RABGAP1L: variants seen among roughly 807,000 people sequenced by gnomAD.
RABGAP1L encodes rab GTPase-activating protein 1-like.
RABGAP1L carries 63 observed loss-of-function variants against 137.7 expected under a neutral mutation model. The ratio of observed to expected loss-of-function variants is 0.46; its 90% confidence interval spans 0.37 to 0.56. The LOEUF (loss-of-function observed/expected upper bound fraction) is 0.56, where lower values mean the gene tolerates loss of function less well. Among genes scored for constraint, RABGAP1L ranks in the 20% least tolerant of loss-of-function variants. RABGAP1L has a pLI of 0.00. For synonymous variants in RABGAP1L, 431 were observed against 433.7 expected (o/e 0.99, Z 0.08); for missense variants, 1,095 against 1,244.0 (o/e 0.88, Z 1.80).
intron 13 of RABGAP1L, among the ~76,000 whole-genome samples, chr1:174,490,842 G>T (rs2149352596): frequency 6.6e-6 from 1 of 152,082 alleles, no homozygotes; most frequent in Middle Eastern, 3.4e-3. Context: ...TCAGCCCACG[G>T]CCATCACCAA....
At chr1:174,699,774 G>T in intron 16 of RABGAP1L, 124 bp downstream of exon 16, 1 of 987,004 alleles carries the variant, frequency 1.0e-6, no homozygotes, top group Non-Finnish European at 1.4e-6. Flanking sequence ...AATGTACATG[G>T]ATTTAGTTTC....
Position 174,877,321 on chromosome 1 carries a change from TAGC to T in RABGAP1L, c.2340+65365_2340+65367del, listed in dbSNP as rs1436282027. The T allele has an allele frequency of 1.3e-5, 17 of 1,314,222 alleles. 1 individual carries two copies. Among genetic ancestry groups the T allele is most frequent in the Non-Finnish European group, 1.7e-5 (16 of 954,424 alleles). The allele number at this position is 1,314,222 out of a possible 1,614,324, so 81.4% of individuals were successfully genotyped here. The stretch of plus-strand genomic sequence containing the variant: ...GGTGAATTGCTAGCCAAGCCTGTGA[TAGC>T]AGCCGCTTTTTTTTTCTTTCTCTTT... On this transcript the variant is annotated intron_variant, in intron 19 of 25. Transcript: ENST00000681986.
chr1:174,490,205 G>A (rs1660088410), intron 13 of RABGAP1L, among the ~76,000 whole-genome samples: 1 of 152,024 alleles, frequency 6.6e-6, no homozygotes, highest in Non-Finnish European at 1.5e-5. Context: ...CTCATTCTGG[G>A]CTTATTTGTA....
intron 14 of RABGAP1L, among the ~76,000 whole-genome samples, chr1:174,681,920 A>T (rs1331301277): frequency 6.6e-6 from 1 of 152,228 alleles, no homozygotes; most frequent in Non-Finnish European, 1.5e-5. Context: ...TACAACACAT[A>T]GATGGAATAC....
At chr1:174,573,257 G>C (rs566604426) in intron 13 of RABGAP1L, among the ~76,000 whole-genome samples, 1 of 141,634 alleles carries the variant, frequency 7.1e-6, no homozygotes, top group East Asian at 2.0e-4. Context: ...GTATATATGT[G>C]TGACATATAT....
chr1:174,416,201 G>T lies in RABGAP1L; in HGVS notation c.1710+22056G>T, dbSNP rs1221132381. ...TTATGCTTAACTATTACTATGAAGA[G>T]AATAATTGTTCATCCCAGTGGCAGA... On this transcript the variant is annotated intron_variant, in intron 13 of 25. Transcript: ENST00000681986. Among the ~76,000 whole-genome samples, 7 of 151,950 alleles carry T rather than the reference G, an allele frequency of 4.6e-5. No homozygotes were observed. The East Asian group carries it at 1.3e-3, about 29-fold the overall frequency.
rs184135332 is a variant in RABGAP1L at position 174,804,411 on chromosome 1, C to T, written c.2212-7421C>T. On this transcript the variant is annotated intron_variant, in intron 18 of 25. Transcript: ENST00000681986. ...TCATCCTCCTGAGCAGCTGGGACTA[C>T]AGGCGCCCACCACCATGCCTGGCTT... Among the ~76,000 whole-genome samples the T allele has an allele frequency of 1.5e-3, 227 of 151,976 alleles. 1 individual carries two copies. The highest frequency in any genetic ancestry group is 5.2e-3 in the East Asian group (27 of 5,158).
intron 13 of RABGAP1L, among the ~76,000 whole-genome samples, chr1:174,618,137 C>T (rs61826918): frequency 0.09 from 13,646 of 152,256 alleles, 833 homozygotes; most frequent in East Asian, 0.22. Flanking sequence ...GTAAACAAAG[C>T]GGCTGGGAAG....
chr1:174,677,426 AT>A (rs1188469172), intron 14 of RABGAP1L, among the ~76,000 whole-genome samples: 11 of 152,224 alleles, frequency 7.2e-5, no homozygotes, highest in African/African-American at 2.7e-4. Flanking sequence ...TCTGTTACAA[AT>A]TACTGGAGGC....
chr1:174,303,760 C>T lies in RABGAP1L; in HGVS notation c.1324-1226C>T, dbSNP rs568793665. On this transcript the variant is annotated intron_variant, in intron 10 of 25. Coordinates refer to ENST00000681986, the MANE Select transcript of RABGAP1L (RefSeq NM_001366446.1). ...GTTCAGATTCTGCTTGTATAGGAAACTAAGTGCAGATGAAATATTTTACCA... is the reference window on the plus strand; with the variant it reads ...GTTCAGATTCTGCTTGTATAGGAAATTAAGTGCAGATGAAATATTTTACCA... 9.2e-5 allele frequency among the ~76,000 whole-genome samples: 14 copies of T among 152,230 alleles called. 1 individual carries two copies. Among genetic ancestry groups the T allele is most frequent in the Non-Finnish European group, 1.5e-5 (1 of 68,008 alleles).
intron 13 of RABGAP1L, among the ~76,000 whole-genome samples, chr1:174,636,938 A>G (rs1674096585): frequency 6.6e-6 from 1 of 152,210 alleles, no homozygotes; most frequent in Non-Finnish European, 1.5e-5. Flanking sequence ...CATTAATAGG[A>G]GAATGTTCAG....
intron 19 of RABGAP1L, among the ~76,000 whole-genome samples, chr1:174,818,780 A>G (rs1486961086): frequency 2.0e-5 from 3 of 152,076 alleles, no homozygotes; most frequent in African/African-American, 4.8e-5. Context: ...AGGCTGAGAC[A>G]GGTGGATCAC....
intron 13 of RABGAP1L, among the ~76,000 whole-genome samples, chr1:174,627,752 A>G (rs1673028063): frequency 2.0e-5 from 3 of 152,174 alleles, no homozygotes; most frequent in Admixed American, 6.5e-5. Flanking sequence ...GGCATGGGGT[A>G]TGGGAGATGT....
At chr1:174,713,166 A>C (rs991556326) in intron 17 of RABGAP1L, among the ~76,000 whole-genome samples, 2 of 152,158 alleles carry the variant, frequency 1.3e-5, no homozygotes, top group Non-Finnish European at 2.9e-5. Context: ...GAAGTAAAAC[A>C]ATGTCAATGA....
At chr1:174,218,796 T>A (rs1164954468) in intron 1 of RABGAP1L, among the ~76,000 whole-genome samples, 5 of 152,172 alleles carry the variant, frequency 3.3e-5, no homozygotes, top group Non-Finnish European at 7.4e-5. Context: ...TTATTTCCTC[T>A]ATTAAAAAGA....
chr1:174,349,472 C>A (rs1682839925), intron 11 of RABGAP1L, among the ~76,000 whole-genome samples: 1 of 133,264 alleles, frequency 7.5e-6, no homozygotes. Flanking sequence ...CCCCCCACCT[C>A]CCTCCCAGAC....
At chr1:174,839,871 G>A (rs566015405) in intron 19 of RABGAP1L, among the ~76,000 whole-genome samples, 80 of 152,320 alleles carry the variant, frequency 5.3e-4, no homozygotes, top group Admixed American at 8.5e-4. Context: ...AGACTAAACT[G>A]AACTGAAGAG....
chr1:174,386,785 G>T (rs978489457), intron 12 of RABGAP1L, among the ~76,000 whole-genome samples: 11 of 152,090 alleles, frequency 7.2e-5, no homozygotes, highest in Non-Finnish European at 1.5e-4. Context: ...GGGATTACAG[G>T]TGTGAGCCAC....
chr1:174,493,130 A>G (rs1027325480), intron 13 of RABGAP1L, among the ~76,000 whole-genome samples: 22 of 148,978 alleles, frequency 1.5e-4, no homozygotes, highest in African/African-American at 5.0e-4. Context: ...AGGCTGAGGC[A>G]GGAGGCTTGC....
Sources: gnomAD v4.1 joint callset for allele counts (sites outside exome capture counted in the v4.1 genomes callset) on GRCh38, gnomAD v4.1.1 for gene constraint, MANE v1.5 for transcripts, NCBI Gene and HGNC (gene_info 2026-07-23, HGNC 2026-07-21) for gene names.